The following RNF40 variants were observed in gnomAD, a reference collection of about 807,000 sequenced individuals.
RNF40 encodes the protein E3 ubiquitin-protein ligase BRE1B.
RNF40 carries 39 observed loss-of-function variants against 123.3 expected under a neutral mutation model. The observed-to-expected ratio is 0.32, with a 90% CI of 0.24 to 0.41. The LOEUF is 0.41. RNF40 is among the 10% of genes least tolerant of loss of function. RNF40 has a pLI of 1.00. For synonymous variants in RNF40, 538 were observed against 526.0 expected, an observed-to-expected ratio of 1.02 and a Z score of -0.31; for missense variants, 1,003 against 1,319.9, an observed-to-expected ratio of 0.76 and a Z score of 3.72.
chr16:30,772,018 C>T (rs760799024), intron 18 of RNF40, 45 bp downstream of exon 18: 38 of 1,586,606 alleles, frequency 2.4e-5, no homozygotes, highest in Non-Finnish European at 2.8e-5. Flanking sequence ...TCCACGGTCA[C>T]GGACCTATCC....
intron 19 of RNF40, 153 bp from the exon 20 acceptor site, chr16:30,773,785 C>T: frequency 1.4e-6 from 1 of 698,008 alleles, no homozygotes; most frequent in Non-Finnish European, 2.4e-6. Flanking sequence ...TCAGTTTGCT[C>T]ATTCATAGAG....
chr16:30,770,531 C>T (rs1415308286), intron 17 of RNF40, among the ~76,000 whole-genome samples: 1 of 152,212 alleles, frequency 6.6e-6, no homozygotes, highest in Non-Finnish European at 1.5e-5. Flanking sequence ...CAGGCTCTAC[C>T]TTCTAACCAC....
chr16:30,772,178 C>T lies in RNF40; in HGVS notation c.2817C>T (p.Ile939=), dbSNP rs769568797. Residue 939 remains isoleucine, a synonymous_variant, in exon 19 of 20, where the codon ATC becomes ATT. Transcript: ENST00000324685. ...ADADEILQEE[I]KEYKARLTCP... is the part of the protein sequence containing the mutation. ...CCGACGAAATCCTCCAGGAGGAGATCAAGGAGTACAAGGTGGGGCTGTGGG... is the reference window on the plus strand; with the variant it reads ...CCGACGAAATCCTCCAGGAGGAGATTAAGGAGTACAAGGTGGGGCTGTGGG... 9.7e-6 allele frequency: 15 copies of T among 1,551,818 alleles called. No individual in the cohort carries two copies. The highest frequency in any genetic ancestry group is 1.3e-5 in the Non-Finnish European group (15 of 1,147,032).
At position 30,775,127 on chromosome 16, in the gene RNF40, G is replaced by A. The variant is rs1402431428; in HGVS notation, c.*1013G>A. The A allele has an allele frequency of 2.3e-6, 1 of 430,778 alleles. No individual in the cohort carries two copies. Among genetic ancestry groups the A allele is most frequent in the Non-Finnish European group, 4.6e-6 (1 of 215,872 alleles). 26.7% of individuals were successfully genotyped at this position (430,778 alleles called of 1,614,324 possible). On this transcript the variant is annotated 3_prime_UTR_variant, in exon 20 of 20. Coordinates refer to ENST00000324685, the MANE Select transcript of RNF40 (RefSeq NM_014771.4). The stretch of plus-strand genomic sequence containing the variant: ...GGACCCGTTTGGACCCACAGCCTCT[G>A]TTCTAGAGATGCTTGTATAGGCTGT...
intron 1 of RNF40, 54 bp downstream of exon 1, chr16:30,762,414 A>G: frequency 1.0e-6 from 1 of 960,022 alleles, no homozygotes; most frequent in Non-Finnish European, 1.5e-6. Flanking sequence ...TGCAGGGTGG[A>G]GGGTGTTTGG....
chr16:30,770,380 G>A (rs2054127104), intron 17 of RNF40, among the ~76,000 whole-genome samples: 1 of 151,872 alleles, frequency 6.6e-6, no homozygotes, highest in Non-Finnish European at 1.5e-5. Context: ...AAAGTGCTGG[G>A]GTTACAGCGT....
At chr16:30,769,047 G>A in intron 15 of RNF40, 60 bp downstream of exon 15, 1 of 1,608,504 alleles carries the variant, frequency 6.2e-7, no homozygotes, top group Non-Finnish European at 8.5e-7. Context: ...TACCCTGTTT[G>A]GTGCCTCTAG....
Position 30,762,479 on chromosome 16 carries a change from C to T in RNF40, c.-67C>T. The T allele has an allele frequency of 6.7e-7, 1 of 1,483,856 alleles. No homozygotes were observed. Among genetic ancestry groups the T allele is most frequent in the South Asian group, 1.3e-5 (1 of 77,206 alleles). 91.9% of individuals were successfully genotyped at this position (1,483,856 alleles called of 1,614,324 possible). On this transcript the variant is annotated 5_prime_UTR_variant, in exon 2 of 20. The change creates a new upstream start codon in the 5' untranslated region. Coordinates refer to ENST00000324685, the MANE Select transcript of RNF40 (RefSeq NM_014771.4). ...TCTGCTCTGTGTCTTCTGCAGGTGA[C>T]GGAAGTACCGCCTCCTCCCGTTTGA... is the stretch of plus-strand genomic sequence containing the variant.
At position 30,769,614 on chromosome 16, in the gene RNF40, A is replaced by C; in HGVS notation, c.2586+14A>C. On this transcript the variant is annotated intron_variant, in intron 17 of 19. Transcript: ENST00000324685. ...AACAAGCGGAAGGTGAGGCTGGGCC[A>C]GGGGGACACACAGCTTGGGCTGCTG... 1 of 1,537,052 alleles carries C rather than the reference A, an allele frequency of 6.5e-7. No individual in the cohort carries two copies. The highest frequency in any genetic ancestry group is 2.4e-5 in the East Asian group (1 of 42,162).
chr16:30,773,095 G>T (rs1028440133), intron 19 of RNF40, among the ~76,000 whole-genome samples: 2 of 152,194 alleles, frequency 1.3e-5, no homozygotes, highest in Non-Finnish European at 2.9e-5. Context: ...CTGAGAAGGT[G>T]CCTGTGGGAC....
intron 19 of RNF40, among the ~76,000 whole-genome samples, chr16:30,772,811 T>G (rs1161525857): frequency 6.6e-6 from 1 of 152,172 alleles, no homozygotes; most frequent in African/African-American, 2.4e-5. Context: ...AGATTTGTTG[T>G]TGGTTTTGGG....
chr16:30,770,227 CCTCT>C (rs1016316131), intron 17 of RNF40, among the ~76,000 whole-genome samples: 1 of 150,152 alleles, frequency 6.7e-6, no homozygotes, highest in African/African-American at 2.5e-5. Context: ...CCAACCTCAG[CCTCT>C]CAAGTAGCTG....
chr16:30,769,654 C>G (rs1409349812), intron 17 of RNF40, 54 bp downstream of exon 17: 1 of 1,474,598 alleles, frequency 6.8e-7, no homozygotes. Flanking sequence ...ACCTCCTCAC[C>G]TTCCGGTTCT....
chr16:30,772,070 C>G lies in RNF40; in HGVS notation c.2728-19C>G, dbSNP rs1362475481. 1.3e-6 allele frequency: 2 copies of G among 1,569,300 alleles called. No homozygotes were observed. The highest frequency in any genetic ancestry group is 2.3e-5 in the South Asian group (2 of 86,260). ...AAGGTTGAGGACCCTTGCCCTTAGC[C>G]AGGCCTCTCCTGCCCCAGGAGGACA... On this transcript the variant is annotated intron_variant, in intron 18 of 19. Transcript: ENST00000324685.
chr16:30,762,398 G>A, intron 1 of RNF40, 38 bp downstream of exon 1: 2 of 800,670 alleles, frequency 2.5e-6, no homozygotes, highest in South Asian at 4.4e-5. Context: ...GGATCCAGCA[G>A]GTGTGTGCAG....
upstream of RNF40, chr16:30,761,711 C>T (rs1025068756): frequency 1.5e-5 from 23 of 1,531,880 alleles, no homozygotes; most frequent in Non-Finnish European, 1.9e-5. Flanking sequence ...CGACTGCACC[C>T]TCATTCCCAA....
In RNF40 at chr16:30,766,544, A is replaced by G. The variant is rs768274943; in HGVS notation, c.1279A>G (p.Ile427Val). ...LATKNSHLRHIEHMESDELGL... is the reference protein window; with the variant it reads ...LATKNSHLRHVEHMESDELGL... Reference sequence around the variant, plus strand: ...CACAAAGAACTCCCACCTGCGACACATCGAGCACATGGAGGTATGGCCCTG... The same window carrying G: ...CACAAAGAACTCCCACCTGCGACACGTCGAGCACATGGAGGTATGGCCCTG... Residue 427 changes from isoleucine (I) to valine (V), a missense_variant, in exon 10 of 20, where the codon ATC (isoleucine) becomes GTC (valine). Coordinates refer to ENST00000324685, the MANE Select transcript of RNF40 (RefSeq NM_014771.4). The surrounding 1 kb of genome is among the most constrained non-coding windows in gnomAD (Gnocchi z 5.4). The G allele has an allele frequency of 1.9e-5, 31 of 1,610,718 alleles. No homozygotes were observed. The highest frequency in any genetic ancestry group is 2.6e-5 in the Non-Finnish European group (31 of 1,178,274).
chr16:30,763,893 C>T (rs1361382871), intron 4 of RNF40, among the ~76,000 whole-genome samples: 1 of 152,158 alleles, frequency 6.6e-6, no homozygotes, highest in African/African-American at 2.4e-5. Flanking sequence ...ACTGGGGCTC[C>T]TGAAACGGAA....
chr16:30,764,971 C>T lies in RNF40; in HGVS notation c.683C>T (p.Ala228Val). 6.2e-7 allele frequency: 1 copy of T among 1,612,922 alleles called. No individual in the cohort carries two copies. The highest frequency in any genetic ancestry group is 8.5e-7 in the Non-Finnish European group (1 of 1,180,014). Residue 228 changes from alanine to valine, a missense_variant, in exon 6 of 20, where the codon GCA (alanine) becomes GTA (valine). By Grantham distance (64) the Ala-to-Val change is moderately conservative. This residue lies in a region of RNF40 where 274 missense variants were observed against 356.9 expected (regional missense o/e 0.77). Coordinates refer to ENST00000324685, the MANE Select transcript of RNF40 (RefSeq NM_014771.4). ...DSEPLSEAAQ[A>V]HTRELGRENR... ...GAGCCCCTCAGTGAGGCGGCTCAGG[C>T]ACACACCCGAGAGCTGGGCCGTGAG...
Sources: gnomAD v4.1 joint callset for allele counts (sites outside exome capture counted in the v4.1 genomes callset) on GRCh38, gnomAD v4.1.1 for gene constraint, gnomAD v4.1.1 regional missense constraint, Gnocchi (gnomAD v3.1) non-coding constraint, MANE v1.5 for transcripts, NCBI Gene and HGNC (gene_info 2026-07-23, HGNC 2026-07-21) for gene names.